CFAP299: variants seen among roughly 807,000 people sequenced by gnomAD.
CFAP299 encodes the protein cilia- and flagella-associated protein 299.
A neutral mutation model predicts 27.0 loss-of-function variants in CFAP299; 21 were observed. The ratio of observed to expected loss-of-function variants is 0.78; its 90% confidence interval spans 0.55 to 1.12. The LOEUF (loss-of-function observed/expected upper bound fraction) is 1.12. Ranked by LOEUF, CFAP299 falls within the 50% of genes most tolerant of loss-of-function variation. CFAP299 has a pLI of 0.00. For missense variants in CFAP299, 310 were observed against 276.6 expected (o/e 1.12, Z -0.86); for synonymous variants, 104 against 98.1 (o/e 1.06, Z -0.36).
intron 3 of CFAP299, among the ~76,000 whole-genome samples, chr4:80,853,322 T>C (rs1731635818): frequency 6.6e-6 from 1 of 152,144 alleles, no homozygotes; most frequent in African/African-American, 2.4e-5. Flanking sequence ...TGAGCCACCA[T>C]GCCCAGCCAA....
chr4:80,864,512 A>G (rs1186578100), intron 3 of CFAP299, among the ~76,000 whole-genome samples: 1 of 147,424 alleles, frequency 6.8e-6, no homozygotes, highest in Non-Finnish European at 1.5e-5. Context: ...ATATATACCT[A>G]TATATACGTA....
chr4:80,719,144 C>T (rs1015766071), intron 3 of CFAP299, among the ~76,000 whole-genome samples: 13 of 151,862 alleles, frequency 8.6e-5, no homozygotes, highest in South Asian at 2.1e-4. Flanking sequence ...CCCACTTGAA[C>T]GTGGAGGGTG....
intron 3 of CFAP299, among the ~76,000 whole-genome samples, chr4:80,640,371 C>T (rs1739666089): frequency 6.6e-6 from 1 of 152,150 alleles, no homozygotes; most frequent in Non-Finnish European, 1.5e-5. Flanking sequence ...GCATTGCTTG[C>T]CTGCCCAACC....
chr4:80,688,349 G>C (rs1198263523), intron 3 of CFAP299, among the ~76,000 whole-genome samples: 3 of 152,122 alleles, frequency 2.0e-5, no homozygotes, highest in South Asian at 2.1e-4. Context: ...ATCTGAGAAC[G>C]GGCAGAATGC....
chr4:80,492,581 T>G (rs1731193341), intron 2 of CFAP299, among the ~76,000 whole-genome samples: 1 of 152,204 alleles, frequency 6.6e-6, no homozygotes, highest in African/African-American at 2.4e-5. Flanking sequence ...CTTGGTATAG[T>G]ATGATACATA....
chr4:80,327,796 A>C, the CFAP299 span, among the ~76,000 whole-genome samples: 1 of 113,098 alleles, frequency 8.8e-6, no homozygotes, highest in East Asian at 2.7e-4. Context: ...AGTGTGAGGC[A>C]AAGGGGGAGA....
upstream of CFAP299, among the ~76,000 whole-genome samples, chr4:80,331,129 T>C (rs1344028002): frequency 6.6e-6 from 1 of 152,152 alleles, no homozygotes; most frequent in Non-Finnish European, 1.5e-5. Flanking sequence ...AAAAAGTGTG[T>C]ACTGTGAAAG....
At chr4:80,580,582 T>C (rs1487498473) in intron 2 of CFAP299, among the ~76,000 whole-genome samples, 1 of 152,042 alleles carries the variant, frequency 6.6e-6, no homozygotes, top group Non-Finnish European at 1.5e-5. Context: ...TTGGTTACAC[T>C]ACAGTGAACC....
At chr4:80,515,223 C>T (rs1732520933) in intron 2 of CFAP299, among the ~76,000 whole-genome samples, 1 of 152,140 alleles carries the variant, frequency 6.6e-6, no homozygotes, top group South Asian at 2.1e-4. Flanking sequence ...ATGCAAGCAA[C>T]TGCTTGAGGA....
intron 3 of CFAP299, among the ~76,000 whole-genome samples, chr4:80,657,739 A>G (rs1214927641): frequency 6.6e-6 from 1 of 152,050 alleles, no homozygotes; most frequent in Non-Finnish European, 1.5e-5. Context: ...TATAAAATTT[A>G]TAGTAGTTTT....
intron 3 of CFAP299, among the ~76,000 whole-genome samples, chr4:80,608,997 T>C (rs1737828153): frequency 1.3e-5 from 2 of 152,048 alleles, no homozygotes; most frequent in African/African-American, 4.8e-5. Flanking sequence ...TGAGATTGCC[T>C]ACATTTAACT....
chr4:80,864,876 C>T (rs963226683), intron 3 of CFAP299, among the ~76,000 whole-genome samples: 3 of 152,050 alleles, frequency 2.0e-5, no homozygotes, highest in Non-Finnish European at 4.4e-5. Flanking sequence ...ATTCACACAC[C>T]AATTTAGGTA....
intron 3 of CFAP299, among the ~76,000 whole-genome samples, chr4:80,841,302 A>G (rs1325409324): frequency 6.6e-6 from 1 of 152,114 alleles, no homozygotes; most frequent in Non-Finnish European, 1.5e-5. Context: ...TAAGGCCACT[A>G]AACTCCACCT....
At chr4:80,600,844 C>G (rs1263212990) in intron 3 of CFAP299, among the ~76,000 whole-genome samples, 1 of 152,046 alleles carries the variant, frequency 6.6e-6, no homozygotes, top group African/African-American at 2.4e-5. Context: ...TAGTTGAATT[C>G]TGATACTTAC....
chr4:80,756,721 G>C (rs1481348776), intron 3 of CFAP299, among the ~76,000 whole-genome samples: 1 of 152,160 alleles, frequency 6.6e-6, no homozygotes, highest in African/African-American at 2.4e-5. Context: ...TGAGTAGTTG[G>C]TTGTCACAGA....
At chr4:80,891,599 A>T (rs1734277595) in intron 4 of CFAP299, among the ~76,000 whole-genome samples, 1 of 80,342 alleles carries the variant, frequency 1.2e-5, no homozygotes, top group African/African-American at 5.5e-5. Flanking sequence ...GGAATATCAC[A>T]CTCTGGGGAC....
chr4:80,428,698 TTTTTTTTTTG>T (rs1727649698), intron 2 of CFAP299, among the ~76,000 whole-genome samples: 1 of 17,584 alleles, frequency 5.7e-5, no homozygotes, highest in African/African-American at 6.7e-5. Flanking sequence ...CGCTAATTTT[TTTTTTTTTTG>T]TTTGTATTTT....
intron 3 of CFAP299, among the ~76,000 whole-genome samples, chr4:80,590,937 T>A (rs1404627084): frequency 6.6e-6 from 1 of 151,902 alleles, no homozygotes; most frequent in East Asian, 1.9e-4. Flanking sequence ...TATGGGAGAA[T>A]GTTAAGATTT....
intron 2 of CFAP299, among the ~76,000 whole-genome samples, chr4:80,468,789 C>G (rs1729838190): frequency 1.5e-5 from 2 of 137,704 alleles, no homozygotes. Flanking sequence ...GAGCCAAGAT[C>G]ACACATTGCA....
Sources: gnomAD v4.1 joint callset for allele counts (sites outside exome capture counted in the v4.1 genomes callset) on GRCh38, gnomAD v4.1.1 for gene constraint, MANE v1.5 for transcripts, NCBI Gene and HGNC (gene_info 2026-07-23, HGNC 2026-07-21) for gene names.